Variants in PTPRN2 observed in about 807,000 individuals in gnomAD.
The protein encoded by PTPRN2 is receptor-type tyrosine-protein phosphatase N2.
A neutral mutation model predicts 118.8 loss-of-function variants in PTPRN2; 74 were observed. The observed-to-expected ratio is 0.62, with a 90% CI of 0.52 to 0.76. The LOEUF is 0.76. Among genes scored for constraint, PTPRN2 ranks in the 30% least tolerant of loss-of-function variants. The pLI, the probability that PTPRN2 is intolerant of heterozygous loss-of-function variation, is 0.00. For missense variants in PTPRN2, 1,481 were observed against 1,394.4 expected (o/e 1.06, Z -0.99); for synonymous variants, 641 against 608.0 (o/e 1.05, Z -0.80).
At chr7:158,413,936 T>C (rs1814411762) in intron 2 of PTPRN2, among the ~76,000 whole-genome samples, 1 of 152,090 alleles carries the variant, frequency 6.6e-6, no homozygotes, top group Non-Finnish European at 1.5e-5. Flanking sequence ...GGTCAGGAGT[T>C]CGAGACAAGC....
chr7:158,157,287 G>A (rs2335485), intron 6 of PTPRN2, among the ~76,000 whole-genome samples: 110,944 of 151,958 alleles, frequency 0.73, 41,272 homozygotes, highest in East Asian at 0.89. Flanking sequence ...TAGGTGCCCT[G>A]CCAATTCCTA....
At chr7:158,033,112 T>C (rs1807805565) in intron 11 of PTPRN2, among the ~76,000 whole-genome samples, 1 of 124,396 alleles carries the variant, frequency 8.0e-6, no homozygotes, top group South Asian at 2.4e-4. Context: ...GCTAGAGGCA[T>C]GAATCTGAAG....
In PTPRN2 at chr7:157,916,644, A is replaced by G. The variant is rs967930646; in HGVS notation, c.1724-17907T>C. 5.9e-5 allele frequency among the ~76,000 whole-genome samples: 9 copies of G among 152,324 alleles called. 1 individual carries two copies. The East Asian group carries it at 1.7e-3, about 29-fold the overall frequency. ...TGCTCCAGCCACCTGCACCACAAGC[A>G]CTGCTTCTGATGTCATAAGCGTGGC... On this transcript the variant is annotated intron_variant, in intron 11 of 22. Transcript: ENST00000389418.
intron 13 of PTPRN2, among the ~76,000 whole-genome samples, chr7:157,665,445 G>C (rs777084276): frequency 1.3e-5 from 2 of 152,186 alleles, no homozygotes; most frequent in Admixed American, 1.3e-4. Context: ...CGATGTCGGC[G>C]GCACTTGCGA....
chr7:158,178,805 G>T (rs1824446123), intron 5 of PTPRN2, among the ~76,000 whole-genome samples: 1 of 151,654 alleles, frequency 6.6e-6, no homozygotes, highest in Non-Finnish European at 1.5e-5. Context: ...CATCATGTTG[G>T]CCAGGATGGT....
intron 3 of PTPRN2, among the ~76,000 whole-genome samples, chr7:158,250,208 T>C (rs1427167647): frequency 6.6e-6 from 1 of 152,220 alleles, no homozygotes; most frequent in Admixed American, 6.5e-5. Flanking sequence ...CAATCGGATC[T>C]ATGGGGTGGT....
At chr7:157,846,852 CCT>C (rs1808851932) in intron 12 of PTPRN2, among the ~76,000 whole-genome samples, 2 of 151,628 alleles carry the variant, frequency 1.3e-5, no homozygotes, top group Non-Finnish European at 2.9e-5. Flanking sequence ...TCGACAGAGC[CCT>C]CTCTCACTCC....
intron 2 of PTPRN2, among the ~76,000 whole-genome samples, chr7:158,413,098 A>G (rs1479825844): frequency 6.1e-4 from 62 of 101,840 alleles, no homozygotes; most frequent in Non-Finnish European, 1.0e-3. Context: ...CAGCTCCAGG[A>G]CCCATCCAGC....
At chr7:157,712,846 G>A (rs1249864325) in intron 12 of PTPRN2, among the ~76,000 whole-genome samples, 2 of 151,940 alleles carry the variant, frequency 1.3e-5, no homozygotes, top group Non-Finnish European at 2.9e-5. Context: ...GAGTGGGGCA[G>A]CCACAAGCCG....
chr7:158,196,566 T>A (rs1826227358), intron 4 of PTPRN2, among the ~76,000 whole-genome samples: 2 of 118,002 alleles, frequency 1.7e-5, no homozygotes, highest in Non-Finnish European at 3.4e-5. Context: ...CAAACCCGTC[T>A]CTTCACTTCC....
intron 12 of PTPRN2, among the ~76,000 whole-genome samples, chr7:157,695,304 T>A (rs1471611806): frequency 6.6e-6 from 1 of 152,098 alleles, no homozygotes; most frequent in Non-Finnish European, 1.5e-5. Context: ...TATGGTAAGG[T>A]AGAAAATGAT....
intron 11 of PTPRN2, among the ~76,000 whole-genome samples, chr7:157,991,556 C>CTGAGGGAGGG (rs1404699960): frequency 1.3e-5 from 2 of 152,318 alleles, no homozygotes; most frequent in South Asian, 2.1e-4. Context: ...TTCCCTCTGG[C>CTGAGGGAGGG]TGAGGGAGGG....
chr7:158,160,897 G>C (rs1372700879), intron 6 of PTPRN2, among the ~76,000 whole-genome samples: 1 of 152,174 alleles, frequency 6.6e-6, no homozygotes, highest in African/African-American at 2.4e-5. Context: ...GAAGTGTTTT[G>C]TCACGATTTT....
chr7:158,408,274 AAATT>A (rs1215636240), intron 2 of PTPRN2, among the ~76,000 whole-genome samples: 2 of 152,272 alleles, frequency 1.3e-5, no homozygotes, highest in South Asian at 2.1e-4. Context: ...AATCATGAAT[AAATT>A]AATAAGAACA....
chr7:158,523,473 C>CTG (rs1824404986), intron 1 of PTPRN2, among the ~76,000 whole-genome samples: 1 of 110,118 alleles, frequency 9.1e-6, no homozygotes, highest in South Asian at 3.5e-4. Context: ...GGAGTGGAGT[C>CTG]CTCTGCCCTG....
intron 1 of PTPRN2, among the ~76,000 whole-genome samples, chr7:158,532,447 G>A (rs546477761): frequency 2.6e-5 from 4 of 152,286 alleles, no homozygotes; most frequent in African/African-American, 7.2e-5. Flanking sequence ...GAGTCATCAC[G>A]GAGACAGCAG....
intron 20 of PTPRN2, among the ~76,000 whole-genome samples, chr7:157,570,141 G>A (rs958071890): frequency 2.6e-5 from 4 of 152,266 alleles, no homozygotes; most frequent in Non-Finnish European, 4.4e-5. Context: ...TCACCAAGGA[G>A]GAGAGGCGGT....
chr7:158,449,287 T>A (rs778191176), intron 2 of PTPRN2, among the ~76,000 whole-genome samples: 13 of 152,120 alleles, frequency 8.5e-5, no homozygotes, highest in Non-Finnish European at 1.5e-4. Flanking sequence ...TCAAGAAGCT[T>A]CCAGAGGAAG....
At chr7:158,064,729 T>C (rs1438826325) in intron 11 of PTPRN2, among the ~76,000 whole-genome samples, 4 of 152,126 alleles carry the variant, frequency 2.6e-5, no homozygotes, top group Non-Finnish European at 4.4e-5. Context: ...GGACATTTTC[T>C]ACTTGCAGGG....
Sources: allele counts gnomAD v4.1 joint callset (sites outside exome capture counted in the v4.1 genomes callset), GRCh38; gene constraint gnomAD v4.1.1; transcripts MANE v1.5; gene names NCBI Gene and HGNC (gene_info 2026-07-23, HGNC 2026-07-21).